Variants in SPINT2 observed in about 807,000 individuals in gnomAD.
SPINT2 encodes kunitz-type protease inhibitor 2.
Under a neutral mutation model 30.1 loss-of-function variants are expected in SPINT2, and 18 were observed. The observed-to-expected ratio is 0.60, with a 90% CI of 0.41 to 0.89. SPINT2 has a LOEUF of 0.89. Among genes scored for constraint, SPINT2 ranks in the 40% least tolerant of loss-of-function variants. The pLI is 0.00. For missense variants in SPINT2, 276 were observed against 334.3 expected (o/e 0.83, Z 1.36); for synonymous variants, 139 against 137.9 (o/e 1.01, Z -0.05).
intron 1 of SPINT2, among the ~76,000 whole-genome samples, chr19:38,273,927 ATTTG>A (rs1458595060): frequency 1.3e-5 from 2 of 152,132 alleles, no homozygotes; most frequent in Non-Finnish European, 2.9e-5. Flanking sequence ...AATATCTACT[ATTTG>A]TTAAAAGTTT....
chr19:38,275,123 C>T (rs1968500943), intron 1 of SPINT2, among the ~76,000 whole-genome samples: 1 of 152,176 alleles, frequency 6.6e-6, no homozygotes, highest in South Asian at 2.1e-4. Flanking sequence ...AGAAATGATG[C>T]TTGCTCTGTA....
chr19:38,285,261 G>C (rs1299097224), intron 2 of SPINT2, among the ~76,000 whole-genome samples: 1 of 152,198 alleles, frequency 6.6e-6, no homozygotes, highest in Admixed American at 6.5e-5. Context: ...GAGAGCTGGT[G>C]GTGATGAGAC....
chr19:38,266,812 G>A (rs1968384434), intron 1 of SPINT2, among the ~76,000 whole-genome samples: 1 of 152,204 alleles, frequency 6.6e-6, no homozygotes, highest in Non-Finnish European at 1.5e-5. Context: ...GTAGGTGACT[G>A]GGAGTCAGGA....
At chr19:38,277,013 G>A (rs985296769) in intron 1 of SPINT2, among the ~76,000 whole-genome samples, 8 of 151,822 alleles carry the variant, frequency 5.3e-5, no homozygotes, top group African/African-American at 1.9e-4. Flanking sequence ...TATTGGCCAG[G>A]CTGGTCTCGA....
intron 1 of SPINT2, among the ~76,000 whole-genome samples, chr19:38,267,506 C>T (rs1484946251): frequency 1.3e-5 from 2 of 151,944 alleles, no homozygotes; most frequent in Non-Finnish European, 2.9e-5. Context: ...GATGGTAGGG[C>T]CAGCAGATTG....
At position 38,288,112 on chromosome 19, in the gene SPINT2, G is replaced by C. The variant is rs563318364; in HGVS notation, c.337+177G>C. On this transcript the variant is annotated intron_variant, in intron 3 of 6. Coordinates refer to ENST00000301244, the MANE Select transcript of SPINT2 (RefSeq NM_021102.4). ...TTCTGGCTCCAGCATCCTTATGGGGGAGTTTATACTGTCCAGCTGACACAG... is the reference window on the plus strand; with the variant it reads ...TTCTGGCTCCAGCATCCTTATGGGGCAGTTTATACTGTCCAGCTGACACAG... The C allele has an allele frequency of 5.6e-5, 39 of 700,950 alleles. 1 individual carries two copies. Among genetic ancestry groups the C allele is most frequent in the South Asian group, 5.1e-4 (33 of 65,018 alleles). The allele number at this position is 700,950 out of a possible 1,614,324, so 43.4% of individuals were successfully genotyped here.
At position 38,283,374 on chromosome 19, in the gene SPINT2, C is replaced by T. The variant is rs1420404227; in HGVS notation, c.107-253C>T. On this transcript the variant is annotated intron_variant, in intron 1 of 6. Coordinates refer to ENST00000301244, the MANE Select transcript of SPINT2 (RefSeq NM_021102.4). ...ATGTGCATGTCTTCAATAATGGGGA[C>T]AGGGGACAAAACACACAACTGAAAT... Among the ~76,000 whole-genome samples, 4 of 152,112 alleles carry T rather than the reference C, an allele frequency of 2.6e-5. No individual in the cohort carries two copies. In the East Asian group the frequency reaches 7.7e-4, roughly 29 times the overall value.
intron 2 of SPINT2, among the ~76,000 whole-genome samples, chr19:38,286,658 C>T (rs1161998620): frequency 6.6e-6 from 1 of 152,176 alleles, no homozygotes; most frequent in Non-Finnish European, 1.5e-5. Flanking sequence ...TGGCGGGCGC[C>T]TGTGGTCCCA....
At chr19:38,265,576 A>C in intron 1 of SPINT2, 1 of 152,862 alleles carries the variant, frequency 6.5e-6, no homozygotes, top group South Asian at 2.1e-4. Context: ...CTAAGGCTCG[A>C]GAGAGTATTG....
At chr19:38,288,142 C>T (rs976195807) in intron 3 of SPINT2, among the ~76,000 whole-genome samples, 3 of 152,138 alleles carry the variant, frequency 2.0e-5, no homozygotes, top group South Asian at 2.1e-4. Context: ...ACACAGGGGC[C>T]GGGGATCCTG....
At position 38,290,658 on chromosome 19, in the gene SPINT2, T is replaced by A. The variant is rs1444816556; in HGVS notation, c.592+83T>A. 1 of 1,509,648 alleles carries A rather than the reference T, an allele frequency of 6.6e-7. No homozygotes were observed. Among genetic ancestry groups the A allele is most frequent in the East Asian group, 2.4e-5 (1 of 42,076 alleles). The allele number at this position is 1,509,648 out of a possible 1,614,324, so 93.5% of individuals were successfully genotyped here. ...AGCTCAGCCCTGCCCAGCTGTGGTT[T>A]ACATTATCCTTCACTGTGAACATCA... On this transcript the variant is annotated intron_variant, in intron 6 of 6. Transcript: ENST00000301244. The surrounding 1 kb of genome is among the most constrained non-coding windows in gnomAD (Gnocchi z 4.3).
chr19:38,289,102 G>A (rs1057405440), intron 3 of SPINT2, 36 bp from the exon 4 acceptor site: 38 of 1,609,056 alleles, frequency 2.4e-5, no homozygotes, highest in Non-Finnish European at 3.1e-5. Context: ...TCCTGTGTCC[G>A]GCCCAGCCTC....
Position 38,290,537 on chromosome 19 carries a change from G to C in SPINT2, c.554G>C (p.Arg185Pro). Residue 185 changes from arginine to proline, a missense_variant and splice_region_variant, in exon 6 of 7, where the codon CGC (arginine) becomes CCC (proline). Arg to Pro is a moderately radical substitution (Grantham distance 103). Transcript: ENST00000301244. The surrounding 1 kb of genome is among the most constrained non-coding windows in gnomAD (Gnocchi z 4.3). ...SEEACMLRCF[R>P]QQENPPLPLG... ...CCTCAGGCTGTGTGTTCTCTTCCAG[G>C]CCAGCAGGAGAATCCTCCCCTGCCC... The C allele has an allele frequency of 6.2e-7, 1 of 1,614,044 alleles. No individual in the cohort carries two copies. The highest frequency in any genetic ancestry group is 1.1e-5 in the South Asian group (1 of 91,084).
chr19:38,271,688 T>C (rs1968458438), intron 1 of SPINT2, among the ~76,000 whole-genome samples: 1 of 150,792 alleles, frequency 6.6e-6, no homozygotes, highest in Non-Finnish European at 1.5e-5. Flanking sequence ...AAAAAAAAAT[T>C]AGCCGGGTGC....
rs377331887 is a variant in SPINT2, at chr19:38,275,405, ACCTCCGCCT to A, written c.107-8218_107-8210del. ...AGTGGTGCGATCTCAGCTCACTGCA[ACCTCCGCCT>A]CCTGAGTTCAAGTGATTGTCCCGCC... On this transcript the variant is annotated intron_variant, in intron 1 of 6. Coordinates refer to ENST00000301244, the MANE Select transcript of SPINT2 (RefSeq NM_021102.4). 3.6e-4 allele frequency among the ~76,000 whole-genome samples: 54 copies of A among 151,866 alleles called. 1 individual carries two copies. Among genetic ancestry groups the A allele is most frequent in the African/African-American group, 1.3e-3 (53 of 41,400 alleles).
At position 38,283,807 on chromosome 19, in the gene SPINT2, C is replaced by T; in HGVS notation, c.277+10C>T. Reference sequence around the variant, plus strand: ...TGTGCCACTGTCACAGGTGAGATGGCAGTAGTTGGAGCTTTTGTTTTTTTC... The same window carrying T: ...TGTGCCACTGTCACAGGTGAGATGGTAGTAGTTGGAGCTTTTGTTTTTTTC... On this transcript the variant is annotated intron_variant, in intron 2 of 6. Coordinates refer to ENST00000301244, the MANE Select transcript of SPINT2 (RefSeq NM_021102.4). The T allele has an allele frequency of 6.4e-7, 1 of 1,554,690 alleles. No homozygotes were observed. Among genetic ancestry groups the T allele is most frequent in the Non-Finnish European group, 8.8e-7 (1 of 1,133,050 alleles).
At chr19:38,272,991 G>A (rs1164544811) in intron 1 of SPINT2, among the ~76,000 whole-genome samples, 1 of 152,128 alleles carries the variant, frequency 6.6e-6, no homozygotes, top group Non-Finnish European at 1.5e-5. Context: ...CAGAGTGCTG[G>A]GGTTACAGGC....
At position 38,290,470 on chromosome 19, in the gene SPINT2, G is replaced by T; in HGVS notation, c.554-67G>T. The T allele has an allele frequency of 6.2e-7, 1 of 1,613,054 alleles. No individual in the cohort carries two copies. Among genetic ancestry groups the T allele is most frequent in the Non-Finnish European group, 8.5e-7 (1 of 1,179,470 alleles). On this transcript the variant is annotated intron_variant, in intron 5 of 6. Coordinates refer to ENST00000301244, the MANE Select transcript of SPINT2 (RefSeq NM_021102.4). The surrounding 1 kb of genome is among the most constrained non-coding windows in gnomAD (Gnocchi z 4.3). ...TCCCCATGGAGGCCCTGGCTGAGGG[G>T]ATCCCCTGCGGCAGCTCTGTGGAAT...
At position 38,290,025 on chromosome 19, in the gene SPINT2, GCT is replaced by G; in HGVS notation, c.392-93_392-92del. The G allele has an allele frequency of 7.4e-7, 1 of 1,354,002 alleles. No individual in the cohort carries two copies. Among genetic ancestry groups the G allele is most frequent in the Non-Finnish European group, 1.1e-6 (1 of 949,162 alleles). The allele number at this position is 1,354,002 out of a possible 1,614,324, so 83.9% of individuals were successfully genotyped here. On this transcript the variant is annotated intron_variant, in intron 4 of 6. Transcript: ENST00000301244. This position sits in a 1 kb window ranked among gnomAD's most constrained non-coding sequence, Gnocchi z 4.3. The stretch of plus-strand genomic sequence containing the variant: ...TTACCAGAGAGATGTTTCTCCGTCT[GCT>G]GGAGCCGCAAGCCTCCTCAGGCACT...
Sources: allele counts gnomAD v4.1 joint callset (sites outside exome capture counted in the v4.1 genomes callset), GRCh38; gene constraint gnomAD v4.1.1; non-coding constraint Gnocchi (gnomAD v3.1); transcripts MANE v1.5; gene names NCBI Gene and HGNC (gene_info 2026-07-23, HGNC 2026-07-21).